The following HDAC5 variants were observed in gnomAD, a reference collection of about 807,000 sequenced individuals.
The protein encoded by HDAC5 is histone deacetylase 5.
In HDAC5, 25 loss-of-function variants were observed where a neutral mutation model predicts 133.3. The ratio of observed to expected loss-of-function variants is 0.19; its 90% CI spans 0.14 to 0.26. The LOEUF is 0.26. HDAC5 is among the 10% of genes least tolerant of loss of function. The pLI, the probability that HDAC5 is intolerant of heterozygous loss-of-function variation, is 1.00. For missense variants in HDAC5, 1,041 were observed against 1,460.5 expected (o/e 0.71, Z 4.68); for synonymous variants, 589 against 610.8 (o/e 0.96, Z 0.53).
chr17:44,087,092 CGT>C (rs1220442843), intron 13 of HDAC5, among the ~76,000 whole-genome samples: 1 of 151,390 alleles, frequency 6.6e-6, no homozygotes, highest in African/African-American at 2.4e-5. Context: ...ACAGCGGGGG[CGT>C]GTGTGTACAC....
At position 44,087,450 on chromosome 17, in the gene HDAC5, C is replaced by T; in HGVS notation, c.1846G>A (p.Gly616Arg). ...DEEGESGAEE[G>R]PDLEEPGAGY... is the part of the protein sequence containing the mutation. Reference sequence around the variant, plus strand: ...GCACCAGGCTCCTCCAAGTCGGGCCCCTCCTCAGCACCACTCTCGCCCTCC... The same window carrying T: ...GCACCAGGCTCCTCCAAGTCGGGCCTCTCCTCAGCACCACTCTCGCCCTCC... The change falls in exon 13 of 27, where the codon GGG (glycine) becomes AGG (arginine). Residue 616 changes from glycine to arginine, a missense_variant. Gly to Arg is a moderately radical substitution (Grantham distance 125, BLOSUM62 -2). Transcript: ENST00000682912. The T allele has an allele frequency of 7.3e-7, 1 of 1,371,896 alleles. No homozygotes were observed. The highest frequency in any genetic ancestry group is 1.4e-5 in the African/African-American group (1 of 70,202). The allele number at this position is 1,371,896 out of a possible 1,614,324, so 85.0% of individuals were successfully genotyped here.
At chr17:44,104,272 C>A (rs983544364) in intron 3 of HDAC5, among the ~76,000 whole-genome samples, 3 of 151,904 alleles carry the variant, frequency 2.0e-5, no homozygotes, top group African/African-American at 7.3e-5. Flanking sequence ...CTACTGCACT[C>A]CAGCCTGGGC....
intron 1 of HDAC5, among the ~76,000 whole-genome samples, chr17:44,119,289 C>T (rs2052839788): frequency 6.6e-6 from 1 of 152,228 alleles, no homozygotes; most frequent in Non-Finnish European, 1.5e-5. Flanking sequence ...CACCCTTTCC[C>T]GTGGGCTGGG....
At chr17:44,109,595 C>T (rs1175685657) in intron 3 of HDAC5, among the ~76,000 whole-genome samples, 1 of 152,254 alleles carries the variant, frequency 6.6e-6, no homozygotes, top group African/African-American at 2.4e-5. Context: ...AGATGATAAG[C>T]CATGTTCCAA....
At chr17:44,088,049 C>A (rs964200841) in intron 12 of HDAC5, among the ~76,000 whole-genome samples, 1 of 152,120 alleles carries the variant, frequency 6.6e-6, no homozygotes, top group Non-Finnish European at 1.5e-5. Flanking sequence ...GCTCTTCTCA[C>A]CCAGGCTGCA....
intron 7 of HDAC5, 31 bp downstream of exon 7, chr17:44,092,645 T>C: frequency 6.5e-7 from 1 of 1,529,954 alleles, no homozygotes; most frequent in Non-Finnish European, 8.8e-7. Flanking sequence ...AGGAGCCATA[T>C]TCTGGGAGGC....
intron 2 of HDAC5, chr17:44,111,345 G>C (rs905986967): frequency 1.2e-5 from 4 of 323,690 alleles, no homozygotes; most frequent in Admixed American, 4.0e-5. Flanking sequence ...GAGGCCCCAT[G>C]GGGGGGGAGG....
chr17:44,106,122 T>C (rs1356400306), intron 3 of HDAC5, among the ~76,000 whole-genome samples: 1 of 152,138 alleles, frequency 6.6e-6, no homozygotes, highest in East Asian at 1.9e-4. Flanking sequence ...TGGACACAGT[T>C]AATCTGATTT....
At chr17:44,092,892 G>T in intron 6 of HDAC5, 86 bp from the exon 7 acceptor site, 1 of 662,338 alleles carries the variant, frequency 1.5e-6, no homozygotes, top group Non-Finnish European at 2.6e-6. Context: ...CTACATTTAT[G>T]AAAAATCGTT....
chr17:44,092,828 G>GGGGGGGGGGGGGGGC, intron 6 of HDAC5, 22 bp from the exon 7 acceptor site: 3 of 596,626 alleles, frequency 5.0e-6, no homozygotes, highest in Non-Finnish European at 8.6e-6. Context: ...GGGGGGTGGG[G>GGGGGGGGGGGGGGGC]ATGGAAGCAG....
intron 13 of HDAC5, among the ~76,000 whole-genome samples, chr17:44,087,068 G>A (rs2050693724): frequency 6.6e-6 from 1 of 151,758 alleles, no homozygotes; most frequent in Non-Finnish European, 1.5e-5. Context: ...CTAGGCGCGA[G>A]GCAGACAGTA....
Position 44,079,032 on chromosome 17 carries a change from T to C in HDAC5, c.3078+112A>G, listed in dbSNP as rs1003717351. On this transcript the variant is annotated intron_variant, in intron 24 of 26. Coordinates refer to ENST00000682912, the MANE Select transcript of HDAC5 (RefSeq NM_005474.5). ...ATACTCAGAAAGCCTGGCCATTAGC[T>C]GTTCCTTAGGACCAAGGAAAAGCTT... The C allele has an allele frequency of 1.1e-5, 17 of 1,522,244 alleles. No individual in the cohort carries two copies. In the African/African-American group the frequency reaches 2.1e-4, roughly 18 times the overall value. The allele number at this position is 1,522,244 out of a possible 1,614,324, so 94.3% of individuals were successfully genotyped here.
At position 44,079,639 on chromosome 17, in the gene HDAC5, CAAAAAAAAAA is replaced by C. The variant is rs773678478; in HGVS notation, c.2945-372_2945-363del. ...TGGGTGACAGAGTGAGACTCCACCT[CAAAAAAAAAA>C]AAAAAAAAAAAGAAAGAAAAGGAGA... On this transcript the variant is annotated intron_variant, in intron 23 of 26. Coordinates refer to ENST00000682912, the MANE Select transcript of HDAC5 (RefSeq NM_005474.5). Among the ~76,000 whole-genome samples the C allele has an allele frequency of 1.5e-4, 10 of 66,028 alleles. No homozygotes were observed. In the Admixed American group the frequency reaches 1.8e-3, roughly 12 times the overall value. The allele number at this position is 66,028 out of a possible 152,430, so 43.3% of individuals were successfully genotyped here. A position where few individuals can be genotyped will look rare whatever the true frequency, so the allele number is the denominator to read the frequency against.
In HDAC5 at chr17:44,078,889, G is replaced by C. The variant is rs573644050; in HGVS notation, c.3079-10C>G. On this transcript the variant is annotated splice_polypyrimidine_tract_variant and intron_variant, in intron 24 of 26. Transcript: ENST00000682912. ...CATCCAAGGGCTGCAGCTGGCAGGG[G>C]AAAGAAGAGAAGGCTTAGGGTGGGG... The C allele has an allele frequency of 1.2e-6, 2 of 1,613,870 alleles. No homozygotes were observed. Among genetic ancestry groups the C allele is most frequent in the African/African-American group, 2.7e-5 (2 of 74,910 alleles).
chr17:44,120,865 T>G (rs2052948672), intron 1 of HDAC5, among the ~76,000 whole-genome samples: 1 of 152,040 alleles, frequency 6.6e-6, no homozygotes, highest in Non-Finnish European at 1.5e-5. Context: ...TGAGAGCTTC[T>G]GTTGCCTAGT....
Position 44,083,559 on chromosome 17 carries a change from C to T in HDAC5, c.2449G>A (p.Ala817Thr). ...CACACGCTCACCTTGAGCTCTCCTG[C>T]AGCCACCTTGAAGGCCAGCTCCAGC... ...CLLELAFKVA[A>T]GELKNGFAII... The change falls in exon 18 of 27, where the codon GCA becomes ACA. Residue 817 changes from alanine to threonine, a missense_variant. Ala to Thr is a moderately conservative substitution (Grantham distance 58, BLOSUM62 0). Coordinates refer to ENST00000682912, the MANE Select transcript of HDAC5 (RefSeq NM_005474.5). 1 of 1,613,436 alleles carries T rather than the reference C, an allele frequency of 6.2e-7. No individual in the cohort carries two copies. The highest frequency in any genetic ancestry group is 1.7e-5 in the Admixed American group (1 of 59,966).
chr17:44,092,567 A>G (rs1274061221), intron 7 of HDAC5, 40 bp from the exon 8 acceptor site: 2 of 1,592,456 alleles, frequency 1.3e-6, no homozygotes, highest in Admixed American at 1.7e-5. Flanking sequence ...CGCGCACAGC[A>G]GCACACATCT....
chr17:44,113,804 G>T (rs1215681509), intron 2 of HDAC5, among the ~76,000 whole-genome samples: 2 of 152,210 alleles, frequency 1.3e-5, no homozygotes, highest in African/African-American at 2.4e-5. Flanking sequence ...CTGTGGGGAT[G>T]GGGGGACCTT....
At chr17:44,101,673 T>C (rs1298004708) in intron 3 of HDAC5, among the ~76,000 whole-genome samples, 2 of 152,098 alleles carry the variant, frequency 1.3e-5, no homozygotes, top group African/African-American at 4.8e-5. Context: ...AAACCAAGCC[T>C]CTTAGAGAGG....
Sources: gnomAD v4.1 joint callset for allele counts (sites outside exome capture counted in the v4.1 genomes callset) on GRCh38, gnomAD v4.1.1 for gene constraint, MANE v1.5 for transcripts, NCBI Gene and HGNC (gene_info 2026-07-23, HGNC 2026-07-21) for gene names.